The following GAD2 variants were observed in gnomAD, a reference collection of about 807,000 sequenced individuals.
The protein encoded by GAD2 is 65 kDa glutamic acid decarboxylase.
In GAD2, 22 loss-of-function variants were observed where a neutral mutation model predicts 80.1. The ratio of observed to expected loss-of-function variants is 0.27; its 90% CI spans 0.20 to 0.39. The LOEUF (loss-of-function observed/expected upper bound fraction) is 0.39. Ranked by LOEUF, GAD2 falls within the 10% of genes least tolerant of loss-of-function variation. The pLI is 1.00. For missense variants in GAD2, 624 were observed against 738.4 expected (o/e 0.85, Z 1.80); for synonymous variants, 274 against 256.9 (o/e 1.07, Z -0.64).
intron 7 of GAD2, among the ~76,000 whole-genome samples, chr10:26,240,900 G>T (rs1844734063): frequency 6.6e-6 from 1 of 152,080 alleles, no homozygotes; most frequent in Non-Finnish European, 1.5e-5. Flanking sequence ...AAATTAGTCA[G>T]TCATGGTGGC....
chr10:26,217,327 A>G lies in GAD2; in HGVS notation c.77-283A>G, dbSNP rs547219178. Among the ~76,000 whole-genome samples, 64 of 152,280 alleles carry G rather than the reference A, an allele frequency of 4.2e-4. No individual in the cohort carries two copies. Among genetic ancestry groups the G allele is most frequent in the Admixed American group, 8.5e-4 (13 of 15,306 alleles). On this transcript the variant is annotated intron_variant, in intron 1 of 15. Coordinates refer to ENST00000376261, the MANE Select transcript of GAD2 (RefSeq NM_001134366.2). The surrounding 1 kb of genome is among the most constrained non-coding windows in gnomAD (Gnocchi z 4.9). ...GTGTTTAGGAAAACTCGTCCAAGGT[A>G]GGCAGGGAGAGGAATTTGCCTGAGC...
intron 7 of GAD2, among the ~76,000 whole-genome samples, chr10:26,245,153 C>CAAAAA (rs1229625147): frequency 1.9e-5 from 1 of 52,330 alleles, no homozygotes; most frequent in African/African-American, 4.7e-5. Context: ...AACTCTGTCT[C>CAAAAA]AAAAAAAAAA....
intron 6 of GAD2, among the ~76,000 whole-genome samples, chr10:26,227,276 C>A (rs1844538487): frequency 6.6e-6 from 1 of 152,226 alleles, no homozygotes; most frequent in South Asian, 2.1e-4. Context: ...CTTTTACATC[C>A]TTTCTTAGAG....
intron 15 of GAD2, among the ~76,000 whole-genome samples, chr10:26,298,701 C>T (rs1164564735): frequency 6.6e-6 from 1 of 152,146 alleles, no homozygotes; most frequent in Non-Finnish European, 1.5e-5. Flanking sequence ...ATTTATTATA[C>T]AAATAAAACT....
intron 7 of GAD2, among the ~76,000 whole-genome samples, chr10:26,244,805 T>C (rs1024594746): frequency 6.6e-6 from 1 of 152,126 alleles, no homozygotes. Flanking sequence ...ATGGAGGTGA[T>C]GGATTGCACA....
chr10:26,300,300 A>G (rs1188417133), intron 15 of GAD2, among the ~76,000 whole-genome samples: 1 of 152,242 alleles, frequency 6.6e-6, no homozygotes, highest in Non-Finnish European at 1.5e-5. Context: ...CACTGCAAAG[A>G]GAGAACGAAA....
Position 26,281,086 on chromosome 10 carries a change from A to G in GAD2, c.1235A>G (p.Glu412Gly). The G allele has an allele frequency of 6.2e-7, 1 of 1,607,710 alleles. No homozygotes were observed. The highest frequency in any genetic ancestry group is 8.5e-7 in the Non-Finnish European group (1 of 1,174,420). ...LQCSALLVREEGLMQNCNQMH... is the reference protein window; with the variant it reads ...LQCSALLVREGGLMQNCNQMH... ...TGCTCTGCTCTCCTGGTTAGAGAAG[A>G]GGTATGTCTCTCTTGACTCTGTGTC... The change falls in exon 12 of 16, where the codon GAG becomes GGG. Residue 412 changes from glutamate (E) to glycine (G), a missense_variant and splice_region_variant. Glu to Gly is a moderately conservative substitution (Grantham distance 98). Coordinates refer to ENST00000376261, the MANE Select transcript of GAD2 (RefSeq NM_001134366.2).
At chr10:26,237,114 G>A (rs987048248) in intron 7 of GAD2, among the ~76,000 whole-genome samples, 1 of 152,152 alleles carries the variant, frequency 6.6e-6, no homozygotes, top group Admixed American at 6.5e-5. Flanking sequence ...TGGCACGGGG[G>A]AGAGAGCAGT....
At chr10:26,282,941 T>C (rs951276159) in intron 12 of GAD2, among the ~76,000 whole-genome samples, 1 of 152,196 alleles carries the variant, frequency 6.6e-6, no homozygotes, top group Non-Finnish European at 1.5e-5. Context: ...GTCCAATGTA[T>C]TATCATCTGC....
At chr10:26,263,029 C>T (rs1845027429) in intron 8 of GAD2, among the ~76,000 whole-genome samples, 1 of 152,122 alleles carries the variant, frequency 6.6e-6, no homozygotes, top group Non-Finnish European at 1.5e-5. Context: ...AAGAAAATAT[C>T]TCCTTACCAT....
chr10:26,271,508 C>A (rs141725013), intron 10 of GAD2, among the ~76,000 whole-genome samples: 2 of 152,274 alleles, frequency 1.3e-5, no homozygotes, highest in Non-Finnish European at 2.9e-5. Flanking sequence ...GAGTTTGTGC[C>A]AAACCATCAT....
intron 7 of GAD2, among the ~76,000 whole-genome samples, chr10:26,241,629 G>A (rs1037841531): frequency 1.3e-5 from 2 of 150,894 alleles, no homozygotes; most frequent in Non-Finnish European, 2.9e-5. Flanking sequence ...TCCCCAACAC[G>A]TTACCTTTTT....
intron 8 of GAD2, among the ~76,000 whole-genome samples, chr10:26,263,207 AAGTG>A (rs1430165001): frequency 2.0e-5 from 3 of 152,210 alleles, no homozygotes; most frequent in African/African-American, 7.2e-5. Flanking sequence ...AAATAATGCT[AAGTG>A]ATTCAATTGT....
intron 7 of GAD2, among the ~76,000 whole-genome samples, chr10:26,239,066 T>C (rs1439425821): frequency 1.3e-5 from 2 of 152,268 alleles, no homozygotes; most frequent in East Asian, 3.9e-4. Flanking sequence ...CAAGATCTAC[T>C]TGTTGAGGAC....
rs1177131642 is a variant in GAD2 at position 26,304,056 on chromosome 10, C to T, written c.*3095C>T. 2 of 152,166 alleles carry T rather than the reference C, an allele frequency of 1.3e-5. No homozygotes were observed. Among genetic ancestry groups the T allele is most frequent in the African/African-American group, 4.8e-5 (2 of 41,416 alleles). 9.4% of individuals were successfully genotyped at this position (152,166 alleles called of 1,614,324 possible). ...TAGAGAACATGCCCTCAGCTAAGCC[C>T]CCTACTGAGAAACTTCCTTTGAGAA... is the stretch of plus-strand genomic sequence containing the variant. On this transcript the variant is annotated 3_prime_UTR_variant, in exon 16 of 16. Transcript: ENST00000376261.
At chr10:26,287,833 A>T (rs763302874) in intron 13 of GAD2, among the ~76,000 whole-genome samples, 1 of 152,164 alleles carries the variant, frequency 6.6e-6, no homozygotes, top group Non-Finnish European at 1.5e-5. Flanking sequence ...GAGGTCCTTT[A>T]TGCTTGGTGG....
chr10:26,284,716 C>T (rs1845310822), intron 12 of GAD2, among the ~76,000 whole-genome samples: 1 of 151,932 alleles, frequency 6.6e-6, no homozygotes, highest in Admixed American at 6.6e-5. Context: ...GAACTACAGG[C>T]ACCCACCACC....
intron 15 of GAD2, among the ~76,000 whole-genome samples, chr10:26,293,369 G>C (rs1834240373): frequency 6.6e-6 from 1 of 151,698 alleles, no homozygotes; most frequent in African/African-American, 2.4e-5. Flanking sequence ...GTAGAGATGG[G>C]GTTTCAATAT....
intron 7 of GAD2, among the ~76,000 whole-genome samples, chr10:26,237,587 G>T (rs1212032841): frequency 1.3e-5 from 2 of 152,054 alleles, no homozygotes; most frequent in Non-Finnish European, 2.9e-5. Context: ...CCTTAAGAGG[G>T]ATGTGCCCTT....
Sources: allele counts gnomAD v4.1 joint callset (sites outside exome capture counted in the v4.1 genomes callset), GRCh38; gene constraint gnomAD v4.1.1; non-coding constraint Gnocchi (gnomAD v3.1); transcripts MANE v1.5; gene names NCBI Gene and HGNC (gene_info 2026-07-23, HGNC 2026-07-21).